Variants in CSMD3 observed in about 807,000 individuals in gnomAD.
CSMD3 encodes CUB and Sushi multiple domains 3.
In CSMD3, 177 loss-of-function variants were observed where a neutral mutation model predicts 435.2. The observed-to-expected ratio is 0.41, with a 90% CI of 0.36 to 0.46. The LOEUF (loss-of-function observed/expected upper bound fraction) is 0.46. Ranked by LOEUF, CSMD3 falls within the 20% of genes least tolerant of loss-of-function variation. The probability of loss-of-function intolerance (pLI) is 0.34; values close to 1 mark genes in which losing one functional copy is unlikely to be tolerated. For synonymous variants in CSMD3, 1,656 were observed against 1,520.5 expected, an observed-to-expected ratio of 1.09 and a Z score of -2.07; for missense variants, 4,265 against 4,504.6, an observed-to-expected ratio of 0.95 and a Z score of 1.52.
In CSMD3 at chr8:113,174,251, A is replaced by G. The variant is rs118045457; in HGVS notation, c.515-335T>C. Among the ~76,000 whole-genome samples, 130 of 152,282 alleles carry G rather than the reference A, an allele frequency of 8.5e-4. 3 individuals carry two copies. In the East Asian group the frequency reaches 9.7e-3, roughly 11 times the overall value. ...ATGGCTTTTTCAAAGTTACATTCTA[A>G]TAACATAGTAATAAGCAAATTCATT... On this transcript the variant is annotated intron_variant, in intron 3 of 70. Transcript: ENST00000297405.
At chr8:112,945,855 T>C (rs1303628796) in intron 9 of CSMD3, among the ~76,000 whole-genome samples, 1 of 151,672 alleles carries the variant, frequency 6.6e-6, no homozygotes, top group Non-Finnish European at 1.5e-5. Flanking sequence ...AAGCACTTTC[T>C]TTTCAGGCTA....
chr8:113,008,495 A>T lies in CSMD3; in HGVS notation c.1030+10572T>A, dbSNP rs1025879769. Among the ~76,000 whole-genome samples, 23 of 151,946 alleles carry T rather than the reference A, an allele frequency of 1.5e-4. No homozygotes were observed. In the East Asian group the frequency reaches 4.3e-3, roughly 28 times the overall value. On this transcript the variant is annotated intron_variant, in intron 6 of 70. Transcript: ENST00000297405. The stretch of plus-strand genomic sequence containing the variant: ...AGCCTCCAGCCACTTGTAGGTTTTA[A>T]TCATTTGAAATTAGCTAGTATAACT...
chr8:112,499,923 A>G (rs561079529), intron 30 of CSMD3, among the ~76,000 whole-genome samples: 2 of 152,212 alleles, frequency 1.3e-5, no homozygotes, highest in Non-Finnish European at 2.9e-5. Context: ...AGCCTGGTCA[A>G]CATGGTGAAA....
At chr8:113,310,243 G>A (rs2093857076) in intron 2 of CSMD3, 1 of 151,826 alleles carries the variant, frequency 6.6e-6, no homozygotes, top group South Asian at 2.1e-4. Flanking sequence ...TATGTATTAA[G>A]GTTGTACATG....
At chr8:112,582,351 C>T (rs1048086134) in intron 23 of CSMD3, among the ~76,000 whole-genome samples, 12 of 151,790 alleles carry the variant, frequency 7.9e-5, no homozygotes, top group African/African-American at 2.9e-4. Flanking sequence ...ACTGTGAGCC[C>T]ATTTAACCTC....
chr8:112,502,511 G>C (rs1822075464), intron 30 of CSMD3, among the ~76,000 whole-genome samples: 1 of 152,154 alleles, frequency 6.6e-6, no homozygotes. Context: ...CCAAGCCTCT[G>C]TTTCTTACTG....
rs111310357 is a variant in CSMD3 at position 112,263,822 on chromosome 8, C to T, written c.9689-10G>A. 44 of 1,611,816 alleles carry T rather than the reference C, an allele frequency of 2.7e-5. No homozygotes were observed. The East Asian group carries it at 9.8e-4, about 36-fold the overall frequency. ...GTTGGGCAGGTAACAGCTGCAATTA[C>T]ATTAAAAGTGATTAGACACAGCTGT... On this transcript the variant is annotated splice_polypyrimidine_tract_variant and intron_variant, in intron 60 of 70. Transcript: ENST00000297405.
intron 10 of CSMD3, among the ~76,000 whole-genome samples, chr8:112,895,415 C>T (rs1001322878): frequency 6.6e-6 from 1 of 150,854 alleles, no homozygotes; most frequent in African/African-American, 2.4e-5. Context: ...AAGAGGAAAG[C>T]CCAAAGCAAA....
At chr8:113,390,292 C>A (rs1031821493) in intron 1 of CSMD3, among the ~76,000 whole-genome samples, 1 of 151,740 alleles carries the variant, frequency 6.6e-6, no homozygotes, top group African/African-American at 2.4e-5. Flanking sequence ...GTACACCCAA[C>A]ATATCAATGC....
chr8:112,477,810 C>T (rs893659036), intron 31 of CSMD3, among the ~76,000 whole-genome samples: 1 of 152,086 alleles, frequency 6.6e-6, no homozygotes, highest in Non-Finnish European at 1.5e-5. Context: ...TATAGTAATA[C>T]AAACAGACTA....
intron 32 of CSMD3, among the ~76,000 whole-genome samples, chr8:112,411,899 T>A (rs1047246833): frequency 2.0e-5 from 3 of 152,134 alleles, no homozygotes; most frequent in Non-Finnish European, 4.4e-5. Context: ...TACTGGTTAT[T>A]GTTTTTTTGA....
chr8:112,447,274 T>C (rs911088318), intron 32 of CSMD3, among the ~76,000 whole-genome samples: 1 of 152,058 alleles, frequency 6.6e-6, no homozygotes, highest in Non-Finnish European at 1.5e-5. Context: ...GAAAAGTTTA[T>C]ACATGTAAGA....
At chr8:113,160,529 C>T (rs903900746) in intron 4 of CSMD3, among the ~76,000 whole-genome samples, 3 of 151,890 alleles carry the variant, frequency 2.0e-5, no homozygotes, top group African/African-American at 7.2e-5. Context: ...TATTGAAGAA[C>T]AGCTTAAACT....
chr8:112,254,346 G>T lies in CSMD3; in HGVS notation c.10037-20C>A, dbSNP rs1272145392. On this transcript the variant is annotated intron_variant, in intron 62 of 70. Transcript: ENST00000297405. ...TAGGCTCTAAAATGAAGATTAAAAA[G>T]ATATTAGTCCTTTAAAATTTACAAT... 5.8e-6 allele frequency: 9 copies of T among 1,550,402 alleles called. No homozygotes were observed. In the South Asian group the frequency reaches 8.9e-5, roughly 15 times the overall value.
intron 11 of CSMD3, among the ~76,000 whole-genome samples, chr8:112,842,706 C>A (rs2080214679): frequency 6.6e-6 from 1 of 151,716 alleles, no homozygotes; most frequent in South Asian, 2.1e-4. Flanking sequence ...TATTTATATA[C>A]AACTAGGTAC....
chr8:112,518,796 T>A (rs1823973172), intron 27 of CSMD3, among the ~76,000 whole-genome samples: 1 of 152,080 alleles, frequency 6.6e-6, no homozygotes, highest in South Asian at 2.1e-4. Flanking sequence ...GAAAAGAGGT[T>A]TAATTGACTC....
chr8:113,111,507 C>A (rs1280537525), intron 4 of CSMD3, among the ~76,000 whole-genome samples: 5 of 152,092 alleles, frequency 3.3e-5, no homozygotes, highest in Non-Finnish European at 5.9e-5. Context: ...CCTCCGCCCC[C>A]ACAATCCACC....
At chr8:112,568,808 T>C (rs566879139) in intron 24 of CSMD3, among the ~76,000 whole-genome samples, 32 of 152,300 alleles carry the variant, frequency 2.1e-4, no homozygotes, top group African/African-American at 7.2e-4. Flanking sequence ...CCATTAATCA[T>C]AGAAGCAGAT....
intron 7 of CSMD3, among the ~76,000 whole-genome samples, chr8:112,970,534 A>C (rs1211655425): frequency 6.6e-6 from 1 of 152,008 alleles, no homozygotes; most frequent in East Asian, 1.9e-4. Flanking sequence ...TTTGTAAATA[A>C]AAAGTCAATT....
Sources: gnomAD v4.1 joint callset for allele counts (sites outside exome capture counted in the v4.1 genomes callset) on GRCh38, gnomAD v4.1.1 for gene constraint, MANE v1.5 for transcripts, NCBI Gene and HGNC (gene_info 2026-07-23, HGNC 2026-07-21) for gene names.